Variants in NREP observed in about 807,000 individuals in gnomAD.
NREP encodes neuronal regeneration-related protein.
NREP carries 5 observed loss-of-function variants against 8.6 expected under a neutral mutation model. That is an observed-to-expected ratio of 0.58 (90% CI 0.30 to 1.22). The LOEUF (loss-of-function observed/expected upper bound fraction) is 1.22. Among genes scored for constraint, NREP ranks in the 50% most tolerant of loss-of-function variants. NREP has a pLI of 0.07. For missense variants in NREP, 86 were observed against 82.5 expected (o/e 1.04, Z -0.17); for synonymous variants, 27 against 28.0 (o/e 0.96, Z 0.11).
chr5:111,912,566 T>C (rs1011206628), intron 2 of NREP: 1 of 152,122 alleles, frequency 6.6e-6, no homozygotes, highest in African/African-American at 2.4e-5. Flanking sequence ...TGCCCAAACT[T>C]CAGACCAGTA....
At chr5:111,736,364 T>G (rs1174096365) in intron 2 of NREP, among the ~76,000 whole-genome samples, 1 of 152,240 alleles carries the variant, frequency 6.6e-6, no homozygotes, top group Non-Finnish European at 1.5e-5. Context: ...TCAGGGCTAA[T>G]TCACATTTAA....
intron 2 of NREP, among the ~76,000 whole-genome samples, chr5:111,849,561 G>A (rs142997046): frequency 7.9e-4 from 120 of 152,272 alleles, no homozygotes; most frequent in African/African-American, 2.9e-3. Context: ...AAGACAGCAA[G>A]ATTGGAGGCA....
At chr5:111,769,524 G>A (rs1239067328) in intron 2 of NREP, among the ~76,000 whole-genome samples, 1 of 152,198 alleles carries the variant, frequency 6.6e-6, no homozygotes, top group Non-Finnish European at 1.5e-5. Flanking sequence ...AGAAGCCAAG[G>A]TTGAAAGATA....
At chr5:111,859,815 C>T (rs1753505043) in intron 2 of NREP, among the ~76,000 whole-genome samples, 1 of 152,002 alleles carries the variant, frequency 6.6e-6, no homozygotes, top group Admixed American at 6.6e-5. Flanking sequence ...CTAACAGTGC[C>T]ATGGCAATTC....
At chr5:111,831,063 G>A (rs1315392839) in intron 2 of NREP, among the ~76,000 whole-genome samples, 1 of 152,070 alleles carries the variant, frequency 6.6e-6, no homozygotes, top group Non-Finnish European at 1.5e-5. Flanking sequence ...TCCAAGCAGG[G>A]CCCCCAAACC....
chr5:111,802,638 C>T (rs1752040789), intron 2 of NREP, among the ~76,000 whole-genome samples: 1 of 152,110 alleles, frequency 6.6e-6, no homozygotes, highest in Admixed American at 6.5e-5. Flanking sequence ...GAAGTGCATC[C>T]CATTATCTGA....
chr5:111,751,583 A>T (rs1581078377), intron 2 of NREP, among the ~76,000 whole-genome samples: 2 of 152,246 alleles, frequency 1.3e-5, no homozygotes, highest in South Asian at 4.1e-4. Context: ...TAAAATTGAT[A>T]TATTGTAATA....
chr5:111,945,810 C>A (rs55931388), intron 2 of NREP, among the ~76,000 whole-genome samples: 2,917 of 151,866 alleles, frequency 0.019, 47 homozygotes, highest in Non-Finnish European at 0.026. Context: ...TCAATCAGAA[C>A]GTTTGCAAAA....
chr5:111,765,729 T>C (rs1480136876), intron 2 of NREP, among the ~76,000 whole-genome samples: 1 of 152,220 alleles, frequency 6.6e-6, no homozygotes, highest in Non-Finnish European at 1.5e-5. Context: ...TAGGGCTTCA[T>C]CCCTTGGCAT....
chr5:111,777,462 A>G (rs928482057), intron 2 of NREP, among the ~76,000 whole-genome samples: 2 of 152,144 alleles, frequency 1.3e-5, no homozygotes, highest in South Asian at 2.1e-4. Context: ...TGTGTGACCT[A>G]TGTTACAATT....
rs534485023 is a variant in NREP at position 111,934,352 on chromosome 5, T to C, written c.135+40922A>G. ...TGGATAGTTAGATAAGCTTACCATATAGGGAGTATCTGGTGAAGGGAAGGT... is the reference window on the plus strand; with the variant it reads ...TGGATAGTTAGATAAGCTTACCATACAGGGAGTATCTGGTGAAGGGAAGGT... On this transcript the variant is annotated intron_variant, in intron 2 of 3. Coordinates refer to the NREP transcript ENST00000395634. Among the ~76,000 whole-genome samples the C allele has an allele frequency of 4.6e-5, 7 of 152,192 alleles. No individual in the cohort carries two copies. The East Asian group carries it at 1.2e-3, about 25-fold the overall frequency.
chr5:111,825,000 T>C (rs1752590011), intron 2 of NREP, among the ~76,000 whole-genome samples: 1 of 152,202 alleles, frequency 6.6e-6, no homozygotes, highest in Non-Finnish European at 1.5e-5. Flanking sequence ...ACAGAAGAGA[T>C]ATACGTCTCC....
chr5:111,764,004 A>T (rs1751024780), intron 2 of NREP, among the ~76,000 whole-genome samples: 1 of 152,242 alleles, frequency 6.6e-6, no homozygotes, highest in African/African-American at 2.4e-5. Context: ...GATTAACAAA[A>T]AAAACCTCTA....
intron 2 of NREP, among the ~76,000 whole-genome samples, chr5:111,919,929 G>T (rs955978587): frequency 8.0e-6 from 1 of 124,788 alleles, no homozygotes; most frequent in Admixed American, 7.7e-5. Context: ...GATCTGAACT[G>T]TCCATTATGT....
At chr5:111,877,360 T>A (rs529593141) in intron 2 of NREP, among the ~76,000 whole-genome samples, 1 of 152,336 alleles carries the variant, frequency 6.6e-6, no homozygotes, top group Admixed American at 6.5e-5. Flanking sequence ...TTCACACTCA[T>A]GAAAACCCTC....
chr5:111,823,466 A>G (rs113055672), intron 2 of NREP, among the ~76,000 whole-genome samples: 44 of 152,306 alleles, frequency 2.9e-4, no homozygotes, highest in African/African-American at 9.4e-4. Flanking sequence ...GTACTCATAT[A>G]TATTTATCTT....
At chr5:111,964,870 A>T (rs1407632883) in intron 2 of NREP, among the ~76,000 whole-genome samples, 1,273 of 111,010 alleles carry the variant, frequency 0.011, 4 homozygotes, top group Non-Finnish European at 0.016. Context: ...AAAAAAAAAA[A>T]AAAAAAAAAA....
chr5:111,941,041 A>C (rs1217303860), intron 2 of NREP, among the ~76,000 whole-genome samples: 1 of 152,050 alleles, frequency 6.6e-6, no homozygotes, highest in South Asian at 2.1e-4. Context: ...GCAAACCCTG[A>C]TTCTTGCTTT....
At chr5:111,937,572 A>C (rs1471825517) in intron 2 of NREP, among the ~76,000 whole-genome samples, 1 of 152,104 alleles carries the variant, frequency 6.6e-6, no homozygotes, top group Non-Finnish European at 1.5e-5. Flanking sequence ...TAGTGCAACA[A>C]AGTTTGAAGA....
Sources: gnomAD v4.1 joint callset for allele counts (sites outside exome capture counted in the v4.1 genomes callset) on GRCh38, gnomAD v4.1.1 for gene constraint, MANE v1.5 for transcripts, NCBI Gene and HGNC (gene_info 2026-07-23, HGNC 2026-07-21) for gene names.